Variants in RAPGEF5 observed in about 807,000 individuals in gnomAD.
RAPGEF5 encodes the protein Rap guanine nucleotide exchange factor 5.
Under a neutral mutation model 125.2 loss-of-function variants are expected in RAPGEF5, and 65 were observed. The ratio of observed to expected loss-of-function variants is 0.52; its 90% CI spans 0.43 to 0.64. RAPGEF5 has a LOEUF of 0.64. Ranked by LOEUF, RAPGEF5 falls within the 30% of genes least tolerant of loss-of-function variation. The pLI is 0.00. For missense variants in RAPGEF5, 958 were observed against 1,048.1 expected, an observed-to-expected ratio of 0.91 and a Z score of 1.19; for synonymous variants, 391 against 385.9, an observed-to-expected ratio of 1.01 and a Z score of -0.16.
chr7:22,221,053 G>A (rs1041278961), intron 8 of RAPGEF5, among the ~76,000 whole-genome samples: 1 of 152,190 alleles, frequency 6.6e-6, no homozygotes, highest in Non-Finnish European at 1.5e-5. Flanking sequence ...TTTGTTCCCA[G>A]GGGCAGTGGT....
intron 1 of RAPGEF5, among the ~76,000 whole-genome samples, chr7:22,329,239 G>C (rs928278515): frequency 6.6e-6 from 1 of 152,168 alleles, no homozygotes; most frequent in Non-Finnish European, 1.5e-5. Context: ...AGCTAAGCTA[G>C]AGTAAATCAC....
At chr7:22,310,586 G>C (rs914920035) in intron 3 of RAPGEF5, among the ~76,000 whole-genome samples, 17 of 152,134 alleles carry the variant, frequency 1.1e-4, no homozygotes, top group African/African-American at 3.9e-4. Flanking sequence ...ATTATTTATA[G>C]ATTTTTATCT....
intron 24 of RAPGEF5, among the ~76,000 whole-genome samples, chr7:22,127,397 T>C (rs1342874901): frequency 6.6e-6 from 1 of 152,210 alleles, no homozygotes; most frequent in African/African-American, 2.4e-5. Flanking sequence ...TCTTATACTT[T>C]TGTACTTGCA....
intron 7 of RAPGEF5, among the ~76,000 whole-genome samples, chr7:22,252,389 G>C (rs774060645): frequency 2.0e-5 from 3 of 152,168 alleles, no homozygotes; most frequent in Non-Finnish European, 4.4e-5. Flanking sequence ...CTTGACTGAA[G>C]TGCCCCAAGT....
At chr7:22,163,382 C>A (rs1784067718) in intron 12 of RAPGEF5, among the ~76,000 whole-genome samples, 1 of 152,084 alleles carries the variant, frequency 6.6e-6, no homozygotes, top group Non-Finnish European at 1.5e-5. Flanking sequence ...CATTTACTGA[C>A]AGAGAATATG....
intron 11 of RAPGEF5, among the ~76,000 whole-genome samples, chr7:22,191,995 T>A (rs569556207): frequency 1.6e-4 from 24 of 152,346 alleles, no homozygotes; most frequent in African/African-American, 5.8e-4. Context: ...CCATGACAGA[T>A]AATTTGTCTG....
intron 1 of RAPGEF5, among the ~76,000 whole-genome samples, chr7:22,345,432 T>G (rs986860760): frequency 6.6e-6 from 1 of 152,172 alleles, no homozygotes; most frequent in Non-Finnish European, 1.5e-5. Context: ...CTGAGCATCC[T>G]CTACATAACT....
rs1461436385 is a variant in RAPGEF5, at chr7:22,119,887, T to G, written c.*2519A>C. 2.0e-5 allele frequency: 3 copies of G among 152,184 alleles called. No individual in the cohort carries two copies. The highest frequency in any genetic ancestry group is 2.9e-5 in the Non-Finnish European group (2 of 68,040). The allele number at this position is 152,184 out of a possible 1,614,324, so 9.4% of individuals were successfully genotyped here. ...GGCCCATCCTATTAACAAGGAGCAC[T>G]CAAGCCCCACCACTGTCCACCAGTG... On this transcript the variant is annotated 3_prime_UTR_variant, in exon 26 of 26. Transcript: ENST00000665637. The surrounding 1 kb of genome is among the most constrained non-coding windows in gnomAD (Gnocchi z 4.1).
intron 7 of RAPGEF5, among the ~76,000 whole-genome samples, chr7:22,234,478 T>C (rs1049816221): frequency 6.6e-6 from 1 of 152,178 alleles, no homozygotes; most frequent in East Asian, 1.9e-4. Flanking sequence ...ACACAAACCA[T>C]CTCCTTATCT....
chr7:22,205,198 C>T (rs975499613), intron 9 of RAPGEF5, among the ~76,000 whole-genome samples: 2 of 152,196 alleles, frequency 1.3e-5, no homozygotes, highest in Non-Finnish European at 2.9e-5. Flanking sequence ...GTCTGAACGT[C>T]TGCATCCACT....
intron 4 of RAPGEF5, among the ~76,000 whole-genome samples, chr7:22,308,988 T>C (rs1220925996): frequency 1.3e-5 from 2 of 152,080 alleles, no homozygotes; most frequent in African/African-American, 4.8e-5. Context: ...CTACTAGTAT[T>C]GGAGGGTAGA....
chr7:22,278,817 T>C (rs567381461), intron 6 of RAPGEF5, among the ~76,000 whole-genome samples: 1 of 151,620 alleles, frequency 6.6e-6, no homozygotes, highest in Non-Finnish European at 1.5e-5. Flanking sequence ...ATAGAACTTA[T>C]TATGTACCTG....
chr7:22,319,173 C>T (rs1783664390), intron 1 of RAPGEF5, among the ~76,000 whole-genome samples: 1 of 152,152 alleles, frequency 6.6e-6, no homozygotes, highest in Admixed American at 6.6e-5. Context: ...AACAGAGAAA[C>T]TAACATTTAT....
intron 1 of RAPGEF5, among the ~76,000 whole-genome samples, chr7:22,352,765 C>T (rs1052521196): frequency 2.6e-5 from 4 of 152,206 alleles, no homozygotes; most frequent in Admixed American, 2.6e-4. Flanking sequence ...CTATCCTGCA[C>T]ATTGTGAATT....
At chr7:22,210,773 A>G (rs567122636) in intron 9 of RAPGEF5, among the ~76,000 whole-genome samples, 48 of 152,328 alleles carry the variant, frequency 3.2e-4, no homozygotes, top group African/African-American at 1.2e-3. Flanking sequence ...ATAAATGAAC[A>G]TACATGCCAC....
intron 18 of RAPGEF5, among the ~76,000 whole-genome samples, chr7:22,148,126 G>T (rs3807531): frequency 0.3 from 44,842 of 152,006 alleles, 7,167 homozygotes; most frequent in Non-Finnish European, 0.35. Context: ...GCTAACAAAT[G>T]TAGAGGTGTT....
chr7:22,164,451 G>A (rs1421521393), intron 12 of RAPGEF5, among the ~76,000 whole-genome samples: 1 of 152,042 alleles, frequency 6.6e-6, no homozygotes, highest in African/African-American at 2.4e-5. Context: ...CAATTTTTTA[G>A]GTCATCATAT....
At chr7:22,231,365 C>A (rs750944085) in intron 7 of RAPGEF5, among the ~76,000 whole-genome samples, 1 of 152,082 alleles carries the variant, frequency 6.6e-6, no homozygotes, top group Non-Finnish European at 1.5e-5. Flanking sequence ...ATTGTTACCA[C>A]AAAATTCCAT....
At chr7:22,308,235 C>G in intron 5 of RAPGEF5, 104 bp downstream of exon 5, 5 of 1,173,046 alleles carry the variant, frequency 4.3e-6, no homozygotes, top group East Asian at 2.9e-5. Context: ...TAGTAACTCC[C>G]TCTTAAGTGA....
Sources: gnomAD v4.1 joint callset for allele counts (sites outside exome capture counted in the v4.1 genomes callset) on GRCh38, gnomAD v4.1.1 for gene constraint, Gnocchi (gnomAD v3.1) non-coding constraint, MANE v1.5 for transcripts, NCBI Gene and HGNC (gene_info 2026-07-23, HGNC 2026-07-21) for gene names.